The following AP3B1 variants were observed in gnomAD, a reference collection of about 807,000 sequenced individuals.
AP3B1 encodes adaptor related protein complex 3 subunit beta 1, also known as AP-3 complex subunit beta-1.
AP3B1 carries 61 observed loss-of-function variants against 132.5 expected under a neutral mutation model. The observed-to-expected ratio is 0.46, with a 90% CI of 0.37 to 0.57. The LOEUF is 0.57. Among genes scored for constraint, AP3B1 ranks in the 20% least tolerant of loss-of-function variants. The probability of loss-of-function intolerance (pLI) is 0.00; values close to 1 mark genes in which losing one functional copy is unlikely to be tolerated. For synonymous variants in AP3B1, 388 were observed against 438.3 expected, an observed-to-expected ratio of 0.89 and a Z score of 1.43; for missense variants, 1,120 against 1,289.4, an observed-to-expected ratio of 0.87 and a Z score of 2.01.
chr5:78,003,152 A>G, intron 26 of AP3B1, 97 bp from the exon 27 acceptor site: 2 of 1,412,364 alleles, frequency 1.4e-6, no homozygotes, highest in South Asian at 1.3e-5. Context: ...TTTTTTGTCA[A>G]ATGAAATAAT....
chr5:78,165,681 G>T lies in AP3B1; in HGVS notation c.1168-9C>A. 2 of 1,566,618 alleles carry T rather than the reference G, an allele frequency of 1.3e-6. No homozygotes were observed. The highest frequency in any genetic ancestry group is 1.8e-6 in the Non-Finnish European group (2 of 1,139,618). On this transcript the variant is annotated splice_polypyrimidine_tract_variant and intron_variant, in intron 11 of 26. Coordinates refer to ENST00000255194, the MANE Select transcript of AP3B1 (RefSeq NM_003664.5). ...TTTGTCAAAATTTCAAGCTATAGTA[G>T]AGAAAAGAGAAAGTAAACATTTTAA...
intron 11 of AP3B1, among the ~76,000 whole-genome samples, chr5:78,167,687 T>C (rs1743701852): frequency 6.6e-6 from 1 of 150,964 alleles, no homozygotes; most frequent in Non-Finnish European, 1.5e-5. Flanking sequence ...TGCTCAGCTA[T>C]AAAAAAGGAA....
At chr5:78,116,355 T>G (rs1275249660) in intron 17 of AP3B1, 121 bp from the exon 18 acceptor site, 4 of 803,704 alleles carry the variant, frequency 5.0e-6, no homozygotes, top group Non-Finnish European at 8.3e-6. Context: ...CCACAGGGAA[T>G]GCAACTGTTA....
chr5:78,120,496 A>T (rs1171233867), intron 17 of AP3B1, among the ~76,000 whole-genome samples: 4 of 152,234 alleles, frequency 2.6e-5, no homozygotes, highest in African/African-American at 9.6e-5. Flanking sequence ...GGATGGAGGA[A>T]GATCTACCAA....
intron 22 of AP3B1, among the ~76,000 whole-genome samples, chr5:78,058,821 G>A (rs1748925397): frequency 6.6e-6 from 1 of 152,206 alleles, no homozygotes; most frequent in South Asian, 2.1e-4. Context: ...AAGCCTGGGT[G>A]TGGTGCCGGG....
chr5:78,115,641 G>A (rs538896952), intron 18 of AP3B1, among the ~76,000 whole-genome samples: 1 of 152,106 alleles, frequency 6.6e-6, no homozygotes, highest in African/African-American at 2.4e-5. Context: ...TCAACCTTTA[G>A]TTTGATTTTT....
At chr5:78,061,103 T>G (rs1749034798) in intron 22 of AP3B1, among the ~76,000 whole-genome samples, 1 of 151,560 alleles carries the variant, frequency 6.6e-6, no homozygotes, top group Non-Finnish European at 1.5e-5. Flanking sequence ...CACCGCTGGG[T>G]CTCAGAATAC....
At chr5:78,129,023 T>C (rs1752582583) in intron 16 of AP3B1, 98 bp downstream of exon 16, 7 of 1,009,250 alleles carry the variant, frequency 6.9e-6, no homozygotes, top group African/African-American at 1.6e-5. Context: ...GAATCATTTA[T>C]ATTTCCTAAG....
intron 2 of AP3B1, among the ~76,000 whole-genome samples, chr5:78,243,024 G>T (rs906832937): frequency 1.3e-5 from 2 of 152,088 alleles, no homozygotes; most frequent in African/African-American, 4.8e-5. Context: ...TAGAATCCCC[G>T]TTACCAATTT....
At chr5:78,030,903 C>T (rs1348150957) in intron 24 of AP3B1, among the ~76,000 whole-genome samples, 1 of 152,050 alleles carries the variant, frequency 6.6e-6, no homozygotes, top group Non-Finnish European at 1.5e-5. Context: ...GGTCTTGAAA[C>T]TCCTGGGCTC....
chr5:78,173,595 G>C (rs1276866880), intron 11 of AP3B1, among the ~76,000 whole-genome samples: 1 of 151,562 alleles, frequency 6.6e-6, no homozygotes, highest in Non-Finnish European at 1.5e-5. Flanking sequence ...CTTTGCATTT[G>C]TTTGGTACAT....
At chr5:78,056,044 C>T (rs963664339) in intron 22 of AP3B1, among the ~76,000 whole-genome samples, 1 of 152,060 alleles carries the variant, frequency 6.6e-6, no homozygotes, top group African/African-American at 2.4e-5. Flanking sequence ...TACTAGATAC[C>T]TACCTTCAGT....
chr5:78,171,505 T>C (rs1743915277), intron 11 of AP3B1, among the ~76,000 whole-genome samples: 1 of 152,220 alleles, frequency 6.6e-6, no homozygotes, highest in South Asian at 2.1e-4. Context: ...CAATTGTGAA[T>C]GGGAGTTCAC....
Position 78,097,868 on chromosome 5 carries a change from C to T in AP3B1, c.2470+3085G>A, listed in dbSNP as rs572262264. 6.6e-5 allele frequency among the ~76,000 whole-genome samples: 10 copies of T among 152,320 alleles called. No individual in the cohort carries two copies. The South Asian group carries it at 1.9e-3, about 28-fold the overall frequency. ...AAAGGTGGGGAAAAGATTGAGAAATCGGATGGTTGCGGTGTCTGTGTAGAA... is the reference window on the plus strand; with the variant it reads ...AAAGGTGGGGAAAAGATTGAGAAATTGGATGGTTGCGGTGTCTGTGTAGAA... On this transcript the variant is annotated intron_variant, in intron 21 of 26. Transcript: ENST00000255194.
At chr5:78,130,046 T>A (rs1042189938) in intron 15 of AP3B1, among the ~76,000 whole-genome samples, 1 of 152,142 alleles carries the variant, frequency 6.6e-6, no homozygotes, top group Non-Finnish European at 1.5e-5. Flanking sequence ...TACACCATAA[T>A]AAGACTTCCT....
chr5:78,288,482 C>T (rs371632251), intron 1 of AP3B1, among the ~76,000 whole-genome samples: 1 of 152,204 alleles, frequency 6.6e-6, no homozygotes, highest in Non-Finnish European at 1.5e-5. Flanking sequence ...ATGACAATTC[C>T]GAGTCAGTTA....
chr5:78,053,678 CAAA>C (rs1166305470), intron 22 of AP3B1, among the ~76,000 whole-genome samples: 3 of 75,586 alleles, frequency 4.0e-5, no homozygotes, highest in Non-Finnish European at 4.9e-5. Flanking sequence ...GACTCCATCT[CAAA>C]AAAAAAAAAA....
chr5:78,193,391 T>G (rs1278272075), intron 7 of AP3B1, among the ~76,000 whole-genome samples: 1 of 151,998 alleles, frequency 6.6e-6, no homozygotes, highest in Non-Finnish European at 1.5e-5. Context: ...AACAGAATAG[T>G]TAAATAAGAC....
At chr5:78,190,248 T>A (rs1304962708) in intron 7 of AP3B1, among the ~76,000 whole-genome samples, 1 of 152,210 alleles carries the variant, frequency 6.6e-6, no homozygotes, top group East Asian at 1.9e-4. Flanking sequence ...ATACTTTTTA[T>A]GAAATTTCAG....
Sources: gnomAD v4.1 joint callset for allele counts (sites outside exome capture counted in the v4.1 genomes callset) on GRCh38, gnomAD v4.1.1 for gene constraint, MANE v1.5 for transcripts, NCBI Gene and HGNC (gene_info 2026-07-23, HGNC 2026-07-21) for gene names.